Variants in ZIM2 observed in about 807,000 individuals in gnomAD.
The protein encoded by ZIM2 is zinc finger protein 656.
A neutral mutation model predicts 38.6 loss-of-function variants in ZIM2; 14 were observed. That is an observed-to-expected ratio of 0.36 (90% confidence interval 0.24 to 0.57). The LOEUF (loss-of-function observed/expected upper bound fraction) is 0.57, where lower values mean the gene tolerates loss of function less well. Among genes scored for constraint, ZIM2 ranks in the 20% least tolerant of loss-of-function variants. The pLI is 0.81. For missense variants in ZIM2, 680 were observed against 695.1 expected (o/e 0.98, Z 0.24); for synonymous variants, 247 against 245.8 (o/e 1.00, Z -0.04).
intron 6 of ZIM2, among the ~76,000 whole-genome samples, chr19:56,822,096 G>A (rs1206849803): frequency 6.6e-6 from 1 of 152,174 alleles, no homozygotes; most frequent in Non-Finnish European, 1.5e-5. Context: ...TGTGTGACAG[G>A]GAGATGGCAT....
chr19:56,779,351 C>A lies in ZIM2; in HGVS notation c.835+26G>T, dbSNP rs372014022. The A allele has an allele frequency of 4.2e-5, 68 of 1,611,170 alleles. No individual in the cohort carries two copies. The African/African-American group carries it at 7.9e-4, about 19-fold the overall frequency. ...GCATTTACTGGTTCCCCCTCCTACACCCCGGGCTTCCCCCTCACTACTCAC... is the reference window on the plus strand; with the variant it reads ...GCATTTACTGGTTCCCCCTCCTACAACCCGGGCTTCCCCCTCACTACTCAC... On this transcript the variant is annotated intron_variant, in intron 12 of 12. Transcript: ENST00000629319.
At chr19:56,812,699 G>C (rs2059617705) in intron 9 of ZIM2, 1 of 984,664 alleles carries the variant, frequency 1.0e-6, no homozygotes. Context: ...ACCTTCATTA[G>C]GCACTACTGT....
At chr19:56,788,067 A>AT (rs1170965620) in intron 10 of ZIM2, among the ~76,000 whole-genome samples, 2 of 145,474 alleles carry the variant, frequency 1.4e-5, no homozygotes, top group Admixed American at 6.8e-5. Context: ...GGAGTCATTG[A>AT]TTTTTTTTGA....
chr19:56,800,239 C>T (rs1188361939), intron 9 of ZIM2, among the ~76,000 whole-genome samples: 3 of 151,904 alleles, frequency 2.0e-5, no homozygotes, highest in East Asian at 3.9e-4. Context: ...GAACTAAGTA[C>T]ATATAAATGG....
At chr19:56,800,562 A>G (rs2047469015) in intron 9 of ZIM2, among the ~76,000 whole-genome samples, 1 of 152,186 alleles carries the variant, frequency 6.6e-6, no homozygotes, top group African/African-American at 2.4e-5. Flanking sequence ...GAGGTTATTT[A>G]AAAGTTATTT....
chr19:56,839,443 A>T (rs2062692412), intron 1 of ZIM2, among the ~76,000 whole-genome samples: 1 of 150,358 alleles, frequency 6.7e-6, no homozygotes, highest in Non-Finnish European at 1.5e-5. Context: ...ACAGATCGTC[A>T]CATCTAATGC....
chr19:56,813,225 T>C lies in ZIM2; in HGVS notation c.490+4521A>G, dbSNP rs184876150. 1,315 of 971,600 alleles carry C rather than the reference T, an allele frequency of 1.4e-3. 18 individuals carry two copies. The African/African-American group carries it at 0.022, about 16-fold the overall frequency. The allele number at this position is 971,600 out of a possible 1,614,324, so 60.2% of individuals were successfully genotyped here. A position where few individuals can be genotyped will look rare whatever the true frequency, so the allele number is the denominator to read the frequency against. On this transcript the variant is annotated intron_variant, in intron 9 of 12. Coordinates refer to ENST00000629319, the MANE Select transcript of ZIM2 (RefSeq NM_001387356.1). ...CCAAAAAAAAAAAAAATTCAAAGAA[T>C]ACCAGGTAAGGTACCTCTGCAGAGT...
chr19:56,816,932 G>C (rs547680406), intron 9 of ZIM2: 1 of 1,614,130 alleles, frequency 6.2e-7, no homozygotes, highest in Non-Finnish European at 8.5e-7. Context: ...CATTCAAAAC[G>C]TTTCCCTCCA....
chr19:56,786,963 A>G (rs975234197), intron 10 of ZIM2, among the ~76,000 whole-genome samples: 18 of 152,024 alleles, frequency 1.2e-4, no homozygotes, highest in African/African-American at 4.4e-4. Context: ...CAGCCTCCCA[A>G]GTAGCTGGGA....
chr19:56,818,989 T>C (rs1298290600), intron 7 of ZIM2, among the ~76,000 whole-genome samples: 1 of 152,120 alleles, frequency 6.6e-6, no homozygotes, highest in Non-Finnish European at 1.5e-5. Flanking sequence ...TAGAGAACAA[T>C]AAACAATAAA....
intron 1 of ZIM2, among the ~76,000 whole-genome samples, chr19:56,836,830 T>C (rs962294715): frequency 9.2e-5 from 14 of 151,806 alleles, no homozygotes; most frequent in African/African-American, 2.9e-4. Flanking sequence ...TAGATGGGCA[T>C]GGTGGCGCGC....
At chr19:56,780,538 C>G (rs541682735) in intron 11 of ZIM2, among the ~76,000 whole-genome samples, 93 of 152,174 alleles carry the variant, frequency 6.1e-4, no homozygotes, top group Non-Finnish European at 9.4e-4. Context: ...GCCACTGCGC[C>G]TGGCCAATAC....
intron 9 of ZIM2, chr19:56,813,420 C>T: frequency 7.8e-7 from 1 of 1,288,554 alleles, no homozygotes; most frequent in African/African-American, 1.5e-5. Context: ...TTTTCTCAAT[C>T]TGATTACTTG....
At chr19:56,821,844 G>A in intron 6 of ZIM2, 90 bp from the exon 7 acceptor site, 1 of 1,407,188 alleles carries the variant, frequency 7.1e-7, no homozygotes, top group Admixed American at 1.7e-5. Flanking sequence ...AGCCAGCTGG[G>A]GTGTGAGTGT....
intron 1 of ZIM2, among the ~76,000 whole-genome samples, chr19:56,839,316 TAC>T (rs962810806): frequency 7.7e-5 from 10 of 129,706 alleles, no homozygotes; most frequent in East Asian, 7.3e-4. Context: ...TATCCAATGC[TAC>T]ACAGTCACTT....
chr19:56,796,804 G>A (rs1406887822), intron 9 of ZIM2, among the ~76,000 whole-genome samples: 1 of 152,214 alleles, frequency 6.6e-6, no homozygotes, highest in Non-Finnish European at 1.5e-5. Flanking sequence ...AGGAATTCAA[G>A]GCAAGTCACA....
At chr19:56,786,293 A>G (rs1039964824) in intron 10 of ZIM2, among the ~76,000 whole-genome samples, 1 of 152,196 alleles carries the variant, frequency 6.6e-6, no homozygotes, top group African/African-American at 2.4e-5. Context: ...TGCGTGTTCC[A>G]GGACATGACT....
At position 56,814,119 on chromosome 19, in the gene ZIM2, T is replaced by C. The variant is rs1202053429; in HGVS notation, c.490+3627A>G. 1 of 1,614,016 alleles carries C rather than the reference T, an allele frequency of 6.2e-7. No individual in the cohort carries two copies. The highest frequency in any genetic ancestry group is 1.3e-5 in the African/African-American group (1 of 74,924). ...CATCCCCATTTGGCTGCTCGGCCTCTCCATTTGGCTGTCCAGCCTCTCCAA... is the reference window on the plus strand; with the variant it reads ...CATCCCCATTTGGCTGCTCGGCCTCCCCATTTGGCTGTCCAGCCTCTCCAA... On this transcript the variant is annotated intron_variant, in intron 9 of 12. Coordinates refer to ENST00000629319, the MANE Select transcript of ZIM2 (RefSeq NM_001387356.1). The surrounding 1 kb of genome is among the most constrained non-coding windows in gnomAD (Gnocchi z 5.8).
At chr19:56,813,788 T>C in intron 9 of ZIM2, 1 of 1,614,204 alleles carries the variant, frequency 6.2e-7, no homozygotes, top group Non-Finnish European at 8.5e-7. Context: ...CCACCTGTGC[T>C]GGTGCTGGCA....
Sources: allele counts gnomAD v4.1 joint callset (sites outside exome capture counted in the v4.1 genomes callset), GRCh38; gene constraint gnomAD v4.1.1; non-coding constraint Gnocchi (gnomAD v3.1); transcripts MANE v1.5; gene names NCBI Gene and HGNC (gene_info 2026-07-23, HGNC 2026-07-21).